Variants in CTNNA2 observed in about 807,000 individuals in gnomAD.
CTNNA2 encodes the protein catenin alpha-2.
Under a neutral mutation model 101.0 loss-of-function variants are expected in CTNNA2, and 42 were observed. That is an observed-to-expected ratio of 0.42 (90% CI 0.32 to 0.54). The LOEUF (loss-of-function observed/expected upper bound fraction) is 0.54. CTNNA2 is among the 20% of genes least tolerant of loss of function. The pLI is 0.14. For missense variants in CTNNA2, 871 were observed against 1,223.1 expected, an observed-to-expected ratio of 0.71 and a Z score of 4.29; for synonymous variants, 450 against 456.4, an observed-to-expected ratio of 0.99 and a Z score of 0.18.
intron 18 of CTNNA2, among the ~76,000 whole-genome samples, chr2:80,643,398 T>A (rs1455871617): frequency 6.6e-6 from 1 of 152,130 alleles, no homozygotes; most frequent in African/African-American, 2.4e-5. Context: ...TGAGATAGAA[T>A]GAAATAAACG....
chr2:80,117,810 T>C (rs1404213418), intron 7 of CTNNA2, among the ~76,000 whole-genome samples: 1 of 152,166 alleles, frequency 6.6e-6, no homozygotes, highest in Non-Finnish European at 1.5e-5. Context: ...TTACAACACA[T>C]AGTTTGGGTG....
rs560808659 is a variant in CTNNA2 at position 79,923,983 on chromosome 2, A to G, written c.1056+14186A>G. 3.3e-5 allele frequency among the ~76,000 whole-genome samples: 5 copies of G among 152,286 alleles called. No individual in the cohort carries two copies. In the South Asian group the frequency reaches 1.0e-3, roughly 32 times the overall value. ...TGTGGGTATATATTCAAAGTAATTG[A>G]AATCAGTATGTTGAAGGCATCTCTG... On this transcript the variant is annotated intron_variant, in intron 7 of 18. Coordinates refer to ENST00000402739, the MANE Select transcript of CTNNA2 (RefSeq NM_001282597.3).
chr2:80,071,179 C>T (rs1698316301), intron 7 of CTNNA2, among the ~76,000 whole-genome samples: 1 of 152,112 alleles, frequency 6.6e-6, no homozygotes, highest in Admixed American at 6.6e-5. Flanking sequence ...CAATATTTTC[C>T]TCATTGGTGC....
chr2:80,024,011 C>T (rs1211295198), intron 7 of CTNNA2, among the ~76,000 whole-genome samples: 2 of 149,482 alleles, frequency 1.3e-5, no homozygotes. Flanking sequence ...GGCGTAAACC[C>T]GGGAGGCGGA....
intron 3 of CTNNA2, among the ~76,000 whole-genome samples, chr2:79,749,376 T>C (rs2105018315): frequency 6.6e-6 from 1 of 152,286 alleles, no homozygotes; most frequent in East Asian, 1.9e-4. Flanking sequence ...ATAAATTGCC[T>C]AAAAGAGATA....
chr2:79,706,800 G>C (rs1055282146), intron 2 of CTNNA2, among the ~76,000 whole-genome samples: 1 of 152,050 alleles, frequency 6.6e-6, no homozygotes, highest in African/African-American at 2.4e-5. Context: ...GGGCATTCTT[G>C]TGATATTTTA....
chr2:79,999,765 T>C (rs1361548487), intron 7 of CTNNA2, among the ~76,000 whole-genome samples: 1 of 152,172 alleles, frequency 6.6e-6, no homozygotes, highest in African/African-American at 2.4e-5. Flanking sequence ...AAGCCCGTGC[T>C]CTGTTATAGC....
intron 7 of CTNNA2, among the ~76,000 whole-genome samples, chr2:80,189,346 A>G (rs1175996638): frequency 6.6e-6 from 1 of 152,216 alleles, no homozygotes; most frequent in Non-Finnish European, 1.5e-5. Flanking sequence ...CTCTTCTGAT[A>G]TTAATTGAAG....
chr2:79,475,884 A>T (rs1464243095), intron 4 of CTNNA2, among the ~76,000 whole-genome samples: 1 of 152,166 alleles, frequency 6.6e-6, no homozygotes, highest in African/African-American at 2.4e-5. Flanking sequence ...ATGCTAAAAT[A>T]AGATAAATGA....
chr2:80,611,351 G>A (rs1463386414), intron 17 of CTNNA2, among the ~76,000 whole-genome samples: 2 of 149,424 alleles, frequency 1.3e-5, no homozygotes, highest in Admixed American at 1.3e-4. Flanking sequence ...AAAGAAGAAG[G>A]TAGAAGAAAA....
In CTNNA2 at chr2:80,242,765, G is replaced by A. The variant is rs139206074; in HGVS notation, c.1057-150446G>A. 5.0e-3 allele frequency among the ~76,000 whole-genome samples: 764 copies of A among 152,182 alleles called. 2 individuals are homozygous for A. The highest frequency in any genetic ancestry group is 8.8e-3 in the Non-Finnish European group (598 of 68,002). On this transcript the variant is annotated intron_variant, in intron 7 of 18. Transcript: ENST00000402739. Reference sequence around the variant, plus strand: ...GGGCAGCTGAACAGCAGTCTGGCCCGAGCTGTTCCTCTGCCAGCCTGGGTC... The same window carrying A: ...GGGCAGCTGAACAGCAGTCTGGCCCAAGCTGTTCCTCTGCCAGCCTGGGTC...
intron 9 of CTNNA2, among the ~76,000 whole-genome samples, chr2:80,463,854 G>A (rs751939340): frequency 2.6e-5 from 4 of 152,162 alleles, no homozygotes; most frequent in Admixed American, 6.5e-5. Context: ...ACGCAGAGGA[G>A]CTAGAATTCA....
chr2:80,595,972 G>A (rs216641), intron 15 of CTNNA2, among the ~76,000 whole-genome samples: 34,587 of 152,004 alleles, frequency 0.23, 5,659 homozygotes, highest in African/African-American at 0.47. Context: ...CATTGTCACA[G>A]TATTGATTCT....
At chr2:80,472,670 G>T (rs929549370) in intron 9 of CTNNA2, among the ~76,000 whole-genome samples, 7 of 152,102 alleles carry the variant, frequency 4.6e-5, no homozygotes, top group African/African-American at 1.7e-4. Context: ...AGGGTTGAAT[G>T]CCCAAGAAAA....
At chr2:80,109,600 A>T (rs965868261) in intron 7 of CTNNA2, among the ~76,000 whole-genome samples, 28 of 152,192 alleles carry the variant, frequency 1.8e-4, no homozygotes, top group Admixed American at 1.4e-3. Context: ...TGGTATTCTG[A>T]ATTCTAGGAA....
At chr2:80,280,074 A>T (rs532301366) in intron 7 of CTNNA2, among the ~76,000 whole-genome samples, 1 of 151,802 alleles carries the variant, frequency 6.6e-6, no homozygotes, top group South Asian at 2.1e-4. Context: ...TCCTTGTATG[A>T]CTTCAAGTAA....
chr2:79,840,787 CAG>C (rs1679739832), intron 3 of CTNNA2, among the ~76,000 whole-genome samples: 1 of 142,448 alleles, frequency 7.0e-6, no homozygotes, highest in Middle Eastern at 3.6e-3. Context: ...TTTTTTGAGA[CAG>C]AGTCTCGCTC....
chr2:80,048,920 G>C (rs1356355198), intron 7 of CTNNA2, among the ~76,000 whole-genome samples: 1 of 152,174 alleles, frequency 6.6e-6, no homozygotes, highest in African/African-American at 2.4e-5. Flanking sequence ...CCAGTGGTCA[G>C]TGATGGTAGG....
At chr2:80,150,394 T>C (rs1703624633) in intron 7 of CTNNA2, among the ~76,000 whole-genome samples, 1 of 152,114 alleles carries the variant, frequency 6.6e-6, no homozygotes, top group Non-Finnish European at 1.5e-5. Context: ...GGACCTTGCA[T>C]GCCGCTCACT....
Sources: allele counts gnomAD v4.1 joint callset (sites outside exome capture counted in the v4.1 genomes callset), GRCh38; gene constraint gnomAD v4.1.1; transcripts MANE v1.5; gene names NCBI Gene and HGNC (gene_info 2026-07-23, HGNC 2026-07-21).